FMN1: variants seen among roughly 807,000 people sequenced by gnomAD.
FMN1 encodes formin-1.
Under a neutral mutation model 132.4 loss-of-function variants are expected in FMN1, and 110 were observed. That is an observed-to-expected ratio of 0.83 (90% CI 0.71 to 0.97). FMN1 has a LOEUF of 0.97. Among genes scored for constraint, FMN1 ranks in the 50% least tolerant of loss-of-function variants. The pLI is 0.00. For missense variants in FMN1, 1,792 were observed against 1,705.3 expected (o/e 1.05, Z -0.90); for synonymous variants, 722 against 651.7 (o/e 1.11, Z -1.64).
At chr15:33,119,934 A>G (rs1190779758) in intron 4 of FMN1, among the ~76,000 whole-genome samples, 1 of 152,188 alleles carries the variant, frequency 6.6e-6, no homozygotes, top group African/African-American at 2.4e-5. Flanking sequence ...CTTCTATCTA[A>G]AGAGCTCAAA....
Position 33,090,345 on chromosome 15 carries a change from G to A in FMN1, c.1868-1371C>T, listed in dbSNP as rs565540557. Among the ~76,000 whole-genome samples the A allele has an allele frequency of 8.6e-4, 131 of 152,280 alleles. 1 individual carries two copies. The highest frequency in any genetic ancestry group is 3.4e-3 in the Middle Eastern group (1 of 294). ...AAAAGTCAGCTCAGAAAGGAACTGC[G>A]AGATAGCATGCTTATATTAGAGTAG... On this transcript the variant is annotated intron_variant, in intron 4 of 20. Transcript: ENST00000616417.
intron 9 of FMN1, among the ~76,000 whole-genome samples, chr15:32,954,975 T>C (rs1156778541): frequency 6.6e-6 from 1 of 152,194 alleles, no homozygotes; most frequent in Non-Finnish European, 1.5e-5. Flanking sequence ...AGTGAGACTT[T>C]TTGTCTCAAA....
At chr15:33,147,967 C>T (rs1008883205) in intron 4 of FMN1, among the ~76,000 whole-genome samples, 6 of 151,950 alleles carry the variant, frequency 3.9e-5, no homozygotes, top group Non-Finnish European at 8.8e-5. Context: ...AATCCATGGA[C>T]TAAAAATCAT....
At chr15:32,844,358 C>T (rs1489960015) in intron 17 of FMN1, among the ~76,000 whole-genome samples, 4 of 151,938 alleles carry the variant, frequency 2.6e-5, no homozygotes, top group Middle Eastern at 3.2e-3. Context: ...ATTTTGGTAG[C>T]CATGAAGTGT....
chr15:33,161,355 C>T (rs1964881691), intron 3 of FMN1, among the ~76,000 whole-genome samples: 1 of 152,262 alleles, frequency 6.6e-6, no homozygotes, highest in East Asian at 1.9e-4. Context: ...GAAGAGGGCT[C>T]GGGACCTTTA....
At chr15:33,033,667 TG>T (rs35193277) in intron 6 of FMN1, among the ~76,000 whole-genome samples, 95,775 of 142,904 alleles carry the variant, frequency 0.67, 31,275 homozygotes, top group Non-Finnish European at 0.73. Context: ...AGCTACCTCA[TG>T]GTTTTTTTTT....
At chr15:32,798,216 A>ACCCCC (rs1159889872) in intron 19 of FMN1, among the ~76,000 whole-genome samples, 2 of 140,876 alleles carry the variant, frequency 1.4e-5, no homozygotes, top group African/African-American at 5.2e-5. Flanking sequence ...ACACACACAC[A>ACCCCC]CCCCGTCTAT....
chr15:33,187,191 C>T (rs1481720733), intron 2 of FMN1, among the ~76,000 whole-genome samples: 1 of 152,146 alleles, frequency 6.6e-6, no homozygotes, highest in Non-Finnish European at 1.5e-5. Context: ...GTATTTTCCC[C>T]TTTGCTTAAC....
At position 32,777,572 on chromosome 15, in the gene FMN1, A is replaced by ATATTACGTATAACATATAACACTT. The variant is rs1206183892; in HGVS notation, c.4131-677_4131-654dup. Among the ~76,000 whole-genome samples the ATATTACGTATAACATATAACACTT allele has an allele frequency of 5.3e-4, 78 of 147,336 alleles. 3 individuals are homozygous for ATATTACGTATAACATATAACACTT. The highest frequency in any genetic ancestry group is 1.9e-3 in the African/African-American group (75 of 40,476). On this transcript the variant is annotated intron_variant, in intron 19 of 20. Transcript: ENST00000616417. Reference sequence around the variant, plus strand: ...TTACGTATAACATATAACACTTTATATATTACGTATAACATATAACACTTT... The same window carrying ATATTACGTATAACATATAACACTT: ...TTACGTATAACATATAACACTTTATATATTACGTATAACATATAACACTTTATTACGTATAACATATAACACTTT...
At chr15:32,986,244 T>G (rs1324268413) in intron 7 of FMN1, among the ~76,000 whole-genome samples, 1 of 152,112 alleles carries the variant, frequency 6.6e-6, no homozygotes, top group Non-Finnish European at 1.5e-5. Context: ...TGAGGACATA[T>G]AAGGGCTGAC....
At chr15:33,123,173 C>T (rs975271475) in intron 4 of FMN1, among the ~76,000 whole-genome samples, 3 of 151,614 alleles carry the variant, frequency 2.0e-5, no homozygotes, top group Non-Finnish European at 4.4e-5. Context: ...CATCCATCCA[C>T]TTATTTCCAG....
At chr15:32,827,484 A>T (rs1022188513) in intron 17 of FMN1, among the ~76,000 whole-genome samples, 1 of 152,202 alleles carries the variant, frequency 6.6e-6, no homozygotes, top group Non-Finnish European at 1.5e-5. Flanking sequence ...TCATGTTTGT[A>T]CCACTTTCTA....
chr15:33,010,616 T>C (rs922233605), intron 6 of FMN1, among the ~76,000 whole-genome samples: 1 of 152,152 alleles, frequency 6.6e-6, no homozygotes, highest in Middle Eastern at 3.4e-3. Context: ...AGACACAAAA[T>C]CTACATAGAT....
rs903044539 is a variant in FMN1, at chr15:32,767,677, A to G, written c.*6633T>C. Reference sequence around the variant, plus strand: ...TTATTAATGCATACTCTCTTTGAAGATAAGACATCTAGCTGACAGTAGGGT... The same window carrying G: ...TTATTAATGCATACTCTCTTTGAAGGTAAGACATCTAGCTGACAGTAGGGT... On this transcript the variant is annotated 3_prime_UTR_variant, in exon 21 of 21. Coordinates refer to ENST00000616417, the MANE Select transcript of FMN1 (RefSeq NM_001277313.2). The G allele has an allele frequency of 3.3e-5, 5 of 152,242 alleles. No individual in the cohort carries two copies. Among genetic ancestry groups the G allele is most frequent in the Admixed American group, 6.5e-5 (1 of 15,284 alleles). The allele number at this position is 152,242 out of a possible 1,614,324, so 9.4% of individuals were successfully genotyped here. A position where few individuals can be genotyped will look rare whatever the true frequency, so the allele number is the denominator to read the frequency against.
chr15:32,781,766 A>T (rs1041147123), intron 19 of FMN1, among the ~76,000 whole-genome samples: 2 of 152,168 alleles, frequency 1.3e-5, no homozygotes, highest in African/African-American at 4.8e-5. Context: ...CCCAAACCTC[A>T]ATTTCCTCAT....
At chr15:33,057,163 C>A (rs866475582) in intron 6 of FMN1, among the ~76,000 whole-genome samples, 9 of 152,052 alleles carry the variant, frequency 5.9e-5, no homozygotes, top group Admixed American at 5.9e-4. Flanking sequence ...GGTGACAGAG[C>A]GAGACTCCAT....
intron 5 of FMN1, among the ~76,000 whole-genome samples, chr15:33,080,092 C>G (rs2038389861): frequency 6.6e-6 from 1 of 152,186 alleles, no homozygotes. Flanking sequence ...ATTCACTCCA[C>G]TTGCAAGAAC....
intron 19 of FMN1, among the ~76,000 whole-genome samples, chr15:32,784,940 T>C (rs1336403544): frequency 6.6e-6 from 1 of 152,104 alleles, no homozygotes; most frequent in Non-Finnish European, 1.5e-5. Context: ...AGAATGAAAA[T>C]TAAATAGAGC....
At chr15:33,176,484 C>T (rs1033120628) in intron 3 of FMN1, among the ~76,000 whole-genome samples, 5 of 121,458 alleles carry the variant, frequency 4.1e-5, no homozygotes, top group Non-Finnish European at 6.4e-5. Flanking sequence ...CCAGCCTGGG[C>T]GACAGAGTGA....
Sources: allele counts gnomAD v4.1 joint callset (sites outside exome capture counted in the v4.1 genomes callset), GRCh38; gene constraint gnomAD v4.1.1; transcripts MANE v1.5; gene names NCBI Gene and HGNC (gene_info 2026-07-23, HGNC 2026-07-21).